The following FHOD3 variants were observed in gnomAD, a reference collection of about 807,000 sequenced individuals.
The protein encoded by FHOD3 is FH1/FH2 domain-containing protein 3.
Under a neutral mutation model 173.0 loss-of-function variants are expected in FHOD3, and 90 were observed. That is an observed-to-expected ratio of 0.52 (90% CI 0.44 to 0.62). FHOD3 has a LOEUF of 0.62. Among genes scored for constraint, FHOD3 ranks in the 20% least tolerant of loss-of-function variants. FHOD3 has a pLI of 0.00. For synonymous variants in FHOD3, 828 were observed against 823.0 expected (o/e 1.01, Z -0.10); for missense variants, 1,945 against 2,034.7 (o/e 0.96, Z 0.85).
intron 3 of FHOD3, among the ~76,000 whole-genome samples, chr18:36,475,020 C>T (rs993933772): frequency 4.3e-5 from 6 of 139,358 alleles, no homozygotes; most frequent in African/African-American, 1.6e-4. Context: ...CACACACACA[C>T]ACACACACAC....
intron 27 of FHOD3, among the ~76,000 whole-genome samples, chr18:36,767,395 C>T (rs1327169326): frequency 2.0e-5 from 3 of 152,186 alleles, no homozygotes; most frequent in Admixed American, 6.5e-5. Context: ...TCTCAGCTCA[C>T]TGCAACCTCT....
At chr18:36,659,087 C>T (rs1005529181) in intron 14 of FHOD3, among the ~76,000 whole-genome samples, 4 of 152,158 alleles carry the variant, frequency 2.6e-5, no homozygotes, top group African/African-American at 4.8e-5. Context: ...AAGCAACCTG[C>T]GTTCCACATT....
rs111768657 is a variant in FHOD3, at chr18:36,548,444, A to G, written c.512-28007A>G. ...TGCCTTTGAGGTATAATTGACAATA[A>G]TAATCTGTACATACTTAAGGCATAA... is the stretch of plus-strand genomic sequence containing the variant. On this transcript the variant is annotated intron_variant, in intron 5 of 28. Coordinates refer to ENST00000590592, the MANE Select transcript of FHOD3 (RefSeq NM_001281740.3). 9.1e-4 allele frequency among the ~76,000 whole-genome samples: 139 copies of G among 152,310 alleles called. 2 individuals carry two copies. The highest frequency in any genetic ancestry group is 3.2e-3 in the African/African-American group (135 of 41,572).
At chr18:36,429,657 A>G (rs931200193) in intron 3 of FHOD3, among the ~76,000 whole-genome samples, 12 of 152,234 alleles carry the variant, frequency 7.9e-5, no homozygotes, top group African/African-American at 2.7e-4. Context: ...AAAGGAAATG[A>G]ATATGCAGAA....
intron 10 of FHOD3, among the ~76,000 whole-genome samples, chr18:36,647,543 A>G (rs1017914003): frequency 3.3e-5 from 5 of 152,196 alleles, no homozygotes; most frequent in African/African-American, 1.2e-4. Flanking sequence ...AATGGCAGTT[A>G]TTAATAAAGA....
intron 3 of FHOD3, among the ~76,000 whole-genome samples, chr18:36,381,027 C>T (rs559627133): frequency 5.0e-4 from 76 of 152,306 alleles, no homozygotes; most frequent in African/African-American, 1.7e-3. Flanking sequence ...AGGTTCTTTG[C>T]ACTGGCCTGA....
chr18:36,703,322 G>A (rs1407561071), intron 17 of FHOD3, among the ~76,000 whole-genome samples: 2 of 152,178 alleles, frequency 1.3e-5, no homozygotes, highest in African/African-American at 4.8e-5. Context: ...CTGAGCCAGG[G>A]AGAGGGAGAG....
chr18:36,776,185 C>CT lies in FHOD3; in HGVS notation c.4787-3249dup, dbSNP rs879763120. Among the ~76,000 whole-genome samples the CT allele has an allele frequency of 6.1e-3, 857 of 139,898 alleles. 3 individuals are homozygous for CT. Among genetic ancestry groups the CT allele is most frequent in the East Asian group, 9.1e-3 (44 of 4,824 alleles). The allele number at this position is 139,898 out of a possible 152,430, so 91.8% of individuals were successfully genotyped here. A position where few individuals can be genotyped will look rare whatever the true frequency, so the allele number is the denominator to read the frequency against. Reference sequence around the variant, plus strand: ...TGTTTTGTTCTCTTATGTCCCCAGCCTTTTTTTTTTTTTTGCTTTCTGGAA... The same window carrying CT: ...TGTTTTGTTCTCTTATGTCCCCAGCCTTTTTTTTTTTTTTTGCTTTCTGGAA... On this transcript the variant is annotated intron_variant, in intron 28 of 28. Coordinates refer to ENST00000590592, the MANE Select transcript of FHOD3 (RefSeq NM_001281740.3).
intron 17 of FHOD3, 121 bp downstream of exon 17, chr18:36,693,544 G>A: frequency 1.1e-6 from 1 of 919,960 alleles, no homozygotes; most frequent in African/African-American, 1.7e-5. Flanking sequence ...GGTACACTTT[G>A]TTGGGGGAGG....
intron 1 of FHOD3, among the ~76,000 whole-genome samples, chr18:36,321,324 G>T (rs551178446): frequency 6.6e-6 from 1 of 151,946 alleles, no homozygotes; most frequent in Non-Finnish European, 1.5e-5. Flanking sequence ...TGGGCTATAG[G>T]AAGGTGGTCA....
At chr18:36,543,147 G>A (rs1323270665) in intron 5 of FHOD3, among the ~76,000 whole-genome samples, 1 of 152,166 alleles carries the variant, frequency 6.6e-6, no homozygotes, top group African/African-American at 2.4e-5. Context: ...TGTGGTATCA[G>A]TTCTTTCCTG....
chr18:36,555,905 C>G (rs1425646645), intron 5 of FHOD3, among the ~76,000 whole-genome samples: 3 of 151,966 alleles, frequency 2.0e-5, no homozygotes, highest in African/African-American at 4.8e-5. Flanking sequence ...TTTTTTCATC[C>G]TTTTAATTTT....
At chr18:36,348,138 C>T (rs909678677) in intron 1 of FHOD3, among the ~76,000 whole-genome samples, 3 of 152,206 alleles carry the variant, frequency 2.0e-5, no homozygotes, top group South Asian at 2.1e-4. Flanking sequence ...TGTTGGAAAG[C>T]TCTCTTTCCT....
intron 3 of FHOD3, among the ~76,000 whole-genome samples, chr18:36,449,208 C>T (rs7241971): frequency 0.17 from 26,403 of 151,912 alleles, 2,954 homozygotes; most frequent in East Asian, 0.29. Flanking sequence ...ACCTTAGAAG[C>T]TGCCTATACT....
intron 24 of FHOD3, among the ~76,000 whole-genome samples, chr18:36,750,591 C>T (rs2042362115): frequency 6.6e-6 from 1 of 152,036 alleles, no homozygotes; most frequent in Non-Finnish European, 1.5e-5. Flanking sequence ...ATGGTATTGC[C>T]TAGGTTGTCT....
intron 6 of FHOD3, among the ~76,000 whole-genome samples, chr18:36,587,293 T>C (rs1024551055): frequency 6.6e-6 from 1 of 152,098 alleles, no homozygotes; most frequent in South Asian, 2.1e-4. Flanking sequence ...GATAATGAAG[T>C]TAGAAACTCT....
chr18:36,706,985 C>T (rs1176478760), intron 17 of FHOD3, among the ~76,000 whole-genome samples: 1 of 152,200 alleles, frequency 6.6e-6, no homozygotes, highest in Non-Finnish European at 1.5e-5. Context: ...CTCCTAAATA[C>T]TCTATTATCA....
intron 5 of FHOD3, among the ~76,000 whole-genome samples, chr18:36,551,277 GT>G (rs1406310128): frequency 6.6e-6 from 1 of 151,948 alleles, no homozygotes; most frequent in Non-Finnish European, 1.5e-5. Context: ...GTTGGATTTG[GT>G]TGGCTAAATA....
intron 3 of FHOD3, among the ~76,000 whole-genome samples, chr18:36,437,410 T>C (rs1474798378): frequency 6.6e-6 from 1 of 152,222 alleles, no homozygotes; most frequent in East Asian, 1.9e-4. Flanking sequence ...CTTGCTTTTG[T>C]TATGTTTGTA....
Sources: gnomAD v4.1 joint callset for allele counts (sites outside exome capture counted in the v4.1 genomes callset) on GRCh38, gnomAD v4.1.1 for gene constraint, MANE v1.5 for transcripts, NCBI Gene and HGNC (gene_info 2026-07-23, HGNC 2026-07-21) for gene names.